Variants in ASH1L observed in about 807,000 individuals in gnomAD.
The protein encoded by ASH1L is ASH1 like histone lysine methyltransferase.
Under a neutral mutation model 269.0 loss-of-function variants are expected in ASH1L, and 23 were observed. The ratio of observed to expected loss-of-function variants is 0.09; its 90% CI spans 0.06 to 0.12. ASH1L has a LOEUF of 0.12. ASH1L is among the 10% of genes least tolerant of loss of function. The pLI is 1.00. For synonymous variants in ASH1L, 1,187 were observed against 1,253.5 expected (o/e 0.95, Z 1.12); for missense variants, 2,912 against 3,567.8 (o/e 0.82, Z 4.68).
intron 2 of ASH1L, among the ~76,000 whole-genome samples, chr1:155,484,908 G>T (rs1570951892): frequency 1.7e-5 from 2 of 121,074 alleles, no homozygotes; most frequent in East Asian, 5.8e-4. Context: ...TAGCCTAGGT[G>T]ACAGAGTGAT....
At position 155,357,304 on chromosome 1, in the gene ASH1L, T is replaced by G; in HGVS notation, c.7055+12A>C. ...CTTACAAAGAACATGGATAAGGATA[T>G]TTCCTTTTTACCTTTCACGATTGGA... is the stretch of plus-strand genomic sequence containing the variant. On this transcript the variant is annotated intron_variant, in intron 15 of 27. Transcript: ENST00000392403. 2 of 1,601,768 alleles carry G rather than the reference T, an allele frequency of 1.2e-6. No individual in the cohort carries two copies. The highest frequency in any genetic ancestry group is 1.7e-6 in the Non-Finnish European group (2 of 1,169,544).
intron 12 of ASH1L, among the ~76,000 whole-genome samples, chr1:155,361,872 CAA>C (rs771879733): frequency 3.2e-4 from 19 of 58,672 alleles, no homozygotes; most frequent in Non-Finnish European, 3.8e-4. Flanking sequence ...GACTCCGTCT[CAA>C]AAAAAAAAAA....
chr1:155,515,887 C>T (rs935865045), intron 2 of ASH1L, among the ~76,000 whole-genome samples: 28 of 150,510 alleles, frequency 1.9e-4, no homozygotes, highest in Non-Finnish European at 2.4e-4. Flanking sequence ...TACTTTTGCA[C>T]CAATCTATAT....
chr1:155,513,775 T>C (rs1354582302), intron 2 of ASH1L, among the ~76,000 whole-genome samples: 3 of 152,034 alleles, frequency 2.0e-5, no homozygotes, highest in Admixed American at 6.6e-5. Flanking sequence ...GCAATACCAG[T>C]GGCCATCCAT....
At chr1:155,368,508 G>A (rs1407840623) in intron 12 of ASH1L, among the ~76,000 whole-genome samples, 1 of 151,494 alleles carries the variant, frequency 6.6e-6, no homozygotes, top group African/African-American at 2.4e-5. Flanking sequence ...CCCAGGCTGG[G>A]GTGTAGTGGC....
intron 3 of ASH1L, among the ~76,000 whole-genome samples, chr1:155,466,246 T>G (rs992546664): frequency 6.6e-6 from 1 of 151,840 alleles, no homozygotes; most frequent in Non-Finnish European, 1.5e-5. Flanking sequence ...CCCAGCTACT[T>G]GGGAGGCTGA....
intron 1 of ASH1L, among the ~76,000 whole-genome samples, chr1:155,559,754 C>T (rs1202322858): frequency 1.3e-5 from 2 of 152,146 alleles, no homozygotes; most frequent in African/African-American, 4.8e-5. Context: ...ACTGAATTAG[C>T]ATCTCTTCAA....
At chr1:155,551,853 G>A (rs2148912450) in intron 1 of ASH1L, among the ~76,000 whole-genome samples, 1 of 150,816 alleles carries the variant, frequency 6.6e-6, no homozygotes, top group South Asian at 2.1e-4. Flanking sequence ...GCGGGCGCCT[G>A]TAATCCCAGT....
intron 1 of ASH1L, among the ~76,000 whole-genome samples, chr1:155,544,150 C>T (rs1334206417): frequency 9.9e-5 from 15 of 152,074 alleles, no homozygotes; most frequent in East Asian, 7.7e-4. Context: ...GCAATCCTCC[C>T]ACCTCGGCCT....
intron 6 of ASH1L, among the ~76,000 whole-genome samples, chr1:155,411,758 G>GGA (rs1489534031): frequency 1.3e-5 from 2 of 150,384 alleles, no homozygotes; most frequent in Admixed American, 1.3e-4. Context: ...ACCTAAGGCA[G>GGA]GACTCTAATC....
At chr1:155,363,988 A>G (rs1193450249) in intron 12 of ASH1L, among the ~76,000 whole-genome samples, 1 of 148,772 alleles carries the variant, frequency 6.7e-6, no homozygotes, top group Non-Finnish European at 1.5e-5. Context: ...AACAAAAACA[A>G]AAAACCAAAA....
chr1:155,515,816 A>G (rs1169687343), intron 2 of ASH1L, among the ~76,000 whole-genome samples: 3 of 150,400 alleles, frequency 2.0e-5, no homozygotes, highest in Non-Finnish European at 4.4e-5. Flanking sequence ...CTAGGCAACA[A>G]AAGGAGACTC....
intron 2 of ASH1L, among the ~76,000 whole-genome samples, chr1:155,493,013 C>T (rs2148769962): frequency 6.6e-6 from 1 of 152,156 alleles, no homozygotes; most frequent in East Asian, 1.9e-4. Context: ...ATAAGACACT[C>T]ACTTTGTTGC....
chr1:155,361,273 C>T (rs1001341874), intron 12 of ASH1L, among the ~76,000 whole-genome samples: 1 of 151,810 alleles, frequency 6.6e-6, no homozygotes, highest in Non-Finnish European at 1.5e-5. Flanking sequence ...AATATCAGCA[C>T]TTTGGGAGGC....
In ASH1L at chr1:155,480,927, G is replaced by C; in HGVS notation, c.1943C>G (p.Ser648Cys). The C allele has an allele frequency of 6.2e-7, 1 of 1,613,954 alleles. No homozygotes were observed. The highest frequency in any genetic ancestry group is 8.5e-7 in the Non-Finnish European group (1 of 1,179,904). The change falls in exon 3 of 28, where the codon TCT (serine) becomes TGT (cysteine). Residue 648 changes from serine (S) to cysteine (C), a missense_variant. By Grantham distance (112) the Ser-to-Cys change is moderately radical. Transcript: ENST00000392403. ...CAAACTTGGCTTTTTTCCAAGGGAA[G>C]AGCTTATTCTTGGAATATCTATATG... is the stretch of plus-strand genomic sequence containing the variant. ...TTHIDIPRIS[S>C]SLGKKPSLTS...
chr1:155,378,994 A>C (rs1656710208), intron 8 of ASH1L, among the ~76,000 whole-genome samples: 1 of 152,176 alleles, frequency 6.6e-6, no homozygotes, highest in South Asian at 2.1e-4. Flanking sequence ...GAATTATAGG[A>C]AAACATTTCA....
At chr1:155,472,120 G>A (rs540327002) in intron 3 of ASH1L, among the ~76,000 whole-genome samples, 48 of 152,154 alleles carry the variant, frequency 3.2e-4, no homozygotes, top group African/African-American at 9.2e-4. Flanking sequence ...GTGAAACCCC[G>A]ACTCTACAAA....
intron 2 of ASH1L, among the ~76,000 whole-genome samples, chr1:155,518,656 AC>A (rs1354715372): frequency 7.4e-6 from 1 of 134,266 alleles, no homozygotes; most frequent in African/African-American, 2.8e-5. Context: ...CAAATCAAAA[AC>A]CACAATGTGC....
intron 6 of ASH1L, among the ~76,000 whole-genome samples, chr1:155,406,549 TA>T (rs1341782859): frequency 6.6e-6 from 1 of 151,954 alleles, no homozygotes; most frequent in South Asian, 2.1e-4. Context: ...ACAAAAAATT[TA>T]AAAAATAGCT....
Sources: gnomAD v4.1 joint callset for allele counts (sites outside exome capture counted in the v4.1 genomes callset) on GRCh38, gnomAD v4.1.1 for gene constraint, MANE v1.5 for transcripts, NCBI Gene and HGNC (gene_info 2026-07-23, HGNC 2026-07-21) for gene names.